Variants in RAD51B observed in about 807,000 individuals in gnomAD.
The protein encoded by RAD51B is RAD51 paralog B.
RAD51B carries 38 observed loss-of-function variants against 42.2 expected under a neutral mutation model. The ratio of observed to expected loss-of-function variants is 0.90; its 90% CI spans 0.70 to 1.18. The LOEUF (loss-of-function observed/expected upper bound fraction) is 1.18. RAD51B is among the 50% of genes most tolerant of loss of function. The pLI, the probability that RAD51B is intolerant of heterozygous loss-of-function variation, is 0.00. For missense variants in RAD51B, 373 were observed against 400.7 expected, an observed-to-expected ratio of 0.93 and a Z score of 0.59; for synonymous variants, 154 against 145.2, an observed-to-expected ratio of 1.06 and a Z score of -0.43.
intron 9 of RAD51B, among the ~76,000 whole-genome samples, chr14:68,460,505 C>T (rs1296498876): frequency 6.6e-6 from 1 of 152,148 alleles, no homozygotes; most frequent in Non-Finnish European, 1.5e-5. Flanking sequence ...GCCCAAGGTT[C>T]CTGACATCTC....
chr14:68,587,426 A>C (rs1022512112), intron 10 of RAD51B, among the ~76,000 whole-genome samples: 3 of 152,066 alleles, frequency 2.0e-5, no homozygotes, highest in African/African-American at 7.2e-5. Context: ...CCCAGCTATA[A>C]ATGGAGCAGA....
At chr14:68,591,518 G>C (rs368747410) in intron 10 of RAD51B, among the ~76,000 whole-genome samples, 1 of 152,130 alleles carries the variant, frequency 6.6e-6, no homozygotes, top group African/African-American at 2.4e-5. Flanking sequence ...TATGATAATC[G>C]ATATCCTTCC....
intron 11 of RAD51B, among the ~76,000 whole-genome samples, chr14:68,661,637 T>G (rs1892935479): frequency 6.6e-6 from 1 of 152,186 alleles, no homozygotes; most frequent in Non-Finnish European, 1.5e-5. Flanking sequence ...CCCAAGGAAG[T>G]GTTAGCATGA....
At chr14:68,584,292 C>G (rs1241860232) in intron 10 of RAD51B, among the ~76,000 whole-genome samples, 1 of 152,086 alleles carries the variant, frequency 6.6e-6, no homozygotes, top group Non-Finnish European at 1.5e-5. Flanking sequence ...CTGCCGGAAT[C>G]TAGGACCTCC....
intron 4 of RAD51B, among the ~76,000 whole-genome samples, chr14:67,855,898 CTA>C (rs1486417152): frequency 6.6e-6 from 1 of 152,144 alleles, no homozygotes; most frequent in East Asian, 1.9e-4. Context: ...TTATCCTGCC[CTA>C]TGTTTTGAAA....
chr14:68,304,386 G>A (rs942427604), intron 8 of RAD51B, among the ~76,000 whole-genome samples: 1 of 152,158 alleles, frequency 6.6e-6, no homozygotes. Context: ...CGCATAACTA[G>A]TAATTAGTTG....
intron 7 of RAD51B, among the ~76,000 whole-genome samples, chr14:67,970,051 T>G (rs2074865804): frequency 1.3e-5 from 2 of 152,174 alleles, no homozygotes; most frequent in Non-Finnish European, 2.9e-5. Context: ...AGGGAATTAG[T>G]CCTAGCTCAT....
intron 7 of RAD51B, among the ~76,000 whole-genome samples, chr14:68,063,792 T>G (rs1319142496): frequency 6.6e-6 from 1 of 152,202 alleles, no homozygotes; most frequent in East Asian, 1.9e-4. Flanking sequence ...AGGAAGCATA[T>G]AGTCGGATCT....
chr14:68,015,732 A>T (rs1181816747), intron 7 of RAD51B, among the ~76,000 whole-genome samples: 1 of 152,174 alleles, frequency 6.6e-6, no homozygotes, highest in Non-Finnish European at 1.5e-5. Flanking sequence ...TTGGGTGGGG[A>T]CACAGCCAAA....
At chr14:68,347,639 G>A (rs190854354) in intron 8 of RAD51B, among the ~76,000 whole-genome samples, 14 of 152,274 alleles carry the variant, frequency 9.2e-5, no homozygotes, top group Admixed American at 2.0e-4. Context: ...GCCACTGCAC[G>A]CCAGCCTGGA....
intron 7 of RAD51B, among the ~76,000 whole-genome samples, chr14:67,975,247 A>C (rs1216098117): frequency 1.3e-5 from 2 of 152,164 alleles, no homozygotes; most frequent in African/African-American, 4.8e-5. Flanking sequence ...CTTAGCACCT[A>C]ATGGGCTCCA....
chr14:68,534,353 T>C (rs879840867), intron 10 of RAD51B, among the ~76,000 whole-genome samples: 1 of 152,186 alleles, frequency 6.6e-6, no homozygotes, highest in Non-Finnish European at 1.5e-5. Flanking sequence ...AAGTGTTTAA[T>C]AAATGAATAA....
chr14:68,139,973 A>C (rs530084725), intron 7 of RAD51B, among the ~76,000 whole-genome samples: 17 of 152,280 alleles, frequency 1.1e-4, no homozygotes, highest in African/African-American at 4.1e-4. Flanking sequence ...ATGTCTCCTC[A>C]CTGCTTCTGC....
intron 7 of RAD51B, among the ~76,000 whole-genome samples, chr14:67,935,169 T>C (rs894870283): frequency 6.6e-6 from 1 of 152,236 alleles, no homozygotes. Context: ...GATAAATTTG[T>C]ATAGGAATCC....
intron 7 of RAD51B, among the ~76,000 whole-genome samples, chr14:68,198,473 A>C (rs1422587268): frequency 1.3e-5 from 2 of 152,222 alleles, no homozygotes; most frequent in African/African-American, 4.8e-5. Context: ...AATTTTGAGA[A>C]AAAACTATTA....
intron 10 of RAD51B, among the ~76,000 whole-genome samples, chr14:68,559,348 A>C (rs558021702): frequency 2.0e-5 from 3 of 151,958 alleles, no homozygotes; most frequent in Non-Finnish European, 4.4e-5. Flanking sequence ...TGAATTTGTA[A>C]GTCATTAACC....
chr14:68,585,246 C>G (rs935774670), intron 10 of RAD51B, among the ~76,000 whole-genome samples: 3 of 152,222 alleles, frequency 2.0e-5, no homozygotes, highest in Non-Finnish European at 4.4e-5. Context: ...AGCCTTGATT[C>G]CCTGCTGTCT....
At position 68,580,402 on chromosome 14, in the gene RAD51B, C is replaced by A. The variant is rs1594993984; in HGVS notation, c.1037-14083C>A. ...GTGACCTTGGAGGAGGCCTGTCCTA[C>A]CTTTGAGTAGCTGTGTGACCTTGGA... is the stretch of plus-strand genomic sequence containing the variant. On this transcript the variant is annotated intron_variant, in intron 10 of 10. Transcript: ENST00000487270. Among the ~76,000 whole-genome samples, 4 of 152,288 alleles carry A rather than the reference C, an allele frequency of 2.6e-5. No homozygotes were observed. The South Asian group carries it at 8.3e-4, about 32-fold the overall frequency.
intron 7 of RAD51B, among the ~76,000 whole-genome samples, chr14:68,082,178 T>G (rs2076922158): frequency 6.6e-6 from 1 of 152,122 alleles, no homozygotes; most frequent in Non-Finnish European, 1.5e-5. Flanking sequence ...GCCAGGATGG[T>G]CTCGATCTCC....
Sources: allele counts gnomAD v4.1 joint callset (sites outside exome capture counted in the v4.1 genomes callset), GRCh38; gene constraint gnomAD v4.1.1; transcripts MANE v1.5; gene names NCBI Gene and HGNC (gene_info 2026-07-23, HGNC 2026-07-21).